The following CCDC148 variants were observed in gnomAD, a reference collection of about 807,000 sequenced individuals.
The protein encoded by CCDC148 is coiled-coil domain-containing protein 148.
CCDC148 carries 89 observed loss-of-function variants against 85.7 expected under a neutral mutation model. The observed-to-expected ratio is 1.04, with a 90% CI of 0.87 to 1.24. The LOEUF (loss-of-function observed/expected upper bound fraction) is 1.24, where lower values mean the gene tolerates loss of function less well. CCDC148 is among the 50% of genes most tolerant of loss of function. The probability of loss-of-function intolerance (pLI) is 0.00; values close to 1 mark genes in which losing one functional copy is unlikely to be tolerated. For missense variants in CCDC148, 692 were observed against 671.7 expected (o/e 1.03, Z -0.33); for synonymous variants, 230 against 213.9 (o/e 1.08, Z -0.66).
chr2:158,350,691 T>C (rs1683218192), intron 2 of CCDC148, among the ~76,000 whole-genome samples: 1 of 152,148 alleles, frequency 6.6e-6, no homozygotes, highest in Non-Finnish European at 1.5e-5. Flanking sequence ...TGCATGCATC[T>C]TTTTCTCTTT....
chr2:158,325,116 T>C (rs1324447620), intron 7 of CCDC148, among the ~76,000 whole-genome samples: 1 of 149,546 alleles, frequency 6.7e-6, no homozygotes, highest in Non-Finnish European at 1.5e-5. Flanking sequence ...AATAACTACA[T>C]AAAAGCCTGG....
At chr2:158,180,462 T>C (rs1684843387) in intron 11 of CCDC148, among the ~76,000 whole-genome samples, 1 of 152,100 alleles carries the variant, frequency 6.6e-6, no homozygotes, top group African/African-American at 2.4e-5. Context: ...TGGGAGGGGC[T>C]GGCTAAACTT....
intron 1 of CCDC148, chr2:158,447,057 T>A (rs1267079740): frequency 6.6e-6 from 1 of 152,276 alleles, no homozygotes; most frequent in African/African-American, 2.4e-5. Flanking sequence ...ATATTGCTAC[T>A]GTTCATGTAA....
chr2:158,209,078 AT>A (rs1686413919), intron 11 of CCDC148, among the ~76,000 whole-genome samples: 1 of 150,270 alleles, frequency 6.7e-6, no homozygotes, highest in Non-Finnish European at 1.5e-5. Context: ...TTATATATAC[AT>A]ACATACATGT....
intron 11 of CCDC148, among the ~76,000 whole-genome samples, chr2:158,196,433 C>T (rs1685672043): frequency 6.6e-6 from 1 of 152,088 alleles, no homozygotes; most frequent in Non-Finnish European, 1.5e-5. Flanking sequence ...TTAACCAACC[C>T]TCTTCTCCTC....
intron 11 of CCDC148, among the ~76,000 whole-genome samples, chr2:158,211,861 A>G (rs1686596123): frequency 6.6e-6 from 1 of 152,168 alleles, no homozygotes; most frequent in Non-Finnish European, 1.5e-5. Context: ...TGCTTTGTCC[A>G]TGAATTTCTT....
At chr2:158,283,847 T>C (rs946008905) in intron 9 of CCDC148, among the ~76,000 whole-genome samples, 8 of 152,066 alleles carry the variant, frequency 5.3e-5, no homozygotes, top group African/African-American at 1.2e-4. Flanking sequence ...TGTGGCACTA[T>C]TGACAATAGC....
intron 7 of CCDC148, among the ~76,000 whole-genome samples, chr2:158,333,300 G>A (rs1693245340): frequency 6.6e-6 from 1 of 152,150 alleles, no homozygotes; most frequent in Admixed American, 6.6e-5. Context: ...TTCAGGAGCA[G>A]GTTGTTCAGT....
intron 1 of CCDC148, among the ~76,000 whole-genome samples, chr2:158,364,280 T>C (rs1156243792): frequency 2.6e-5 from 4 of 152,334 alleles, no homozygotes; most frequent in Non-Finnish European, 5.9e-5. Context: ...AAGCTACCAC[T>C]GACTTTCTTC....
chr2:158,302,882 T>C (rs924487549), intron 9 of CCDC148, among the ~76,000 whole-genome samples: 1 of 151,978 alleles, frequency 6.6e-6, no homozygotes, highest in African/African-American at 2.4e-5. Context: ...GCTAACAGAC[T>C]GGTTCAGGCA....
chr2:158,439,517 C>A (rs1380090777), intron 1 of CCDC148, among the ~76,000 whole-genome samples: 1 of 151,774 alleles, frequency 6.6e-6, no homozygotes, highest in Non-Finnish European at 1.5e-5. Flanking sequence ...AGGAGATATA[C>A]CTAATGTAAA....
intron 1 of CCDC148, among the ~76,000 whole-genome samples, chr2:158,410,859 A>G (rs745584131): frequency 4.6e-5 from 7 of 152,140 alleles, no homozygotes; most frequent in Non-Finnish European, 8.8e-5. Flanking sequence ...GAAATTGAAG[A>G]ACTCCCTTAA....
At chr2:158,404,682 T>C (rs11897173) in intron 1 of CCDC148, among the ~76,000 whole-genome samples, 2,052 of 152,270 alleles carry the variant, frequency 0.013, 33 homozygotes, top group African/African-American at 0.046. Flanking sequence ...AGAAATTAAA[T>C]TAATTTTTAA....
intron 10 of CCDC148, 30 bp from the exon 11 acceptor site, chr2:158,220,743 A>AT: frequency 6.8e-7 from 1 of 1,476,434 alleles, no homozygotes; most frequent in Non-Finnish European, 9.2e-7. Flanking sequence ...TAAAATTTAA[A>AT]TTAACAACAG....
chr2:158,267,273 C>T (rs1166956582), intron 9 of CCDC148, among the ~76,000 whole-genome samples: 2 of 152,070 alleles, frequency 1.3e-5, no homozygotes, highest in Admixed American at 6.6e-5. Context: ...GAATGCCCTG[C>T]CACACCTACA....
chr2:158,264,536 A>G (rs2105155834), intron 9 of CCDC148, among the ~76,000 whole-genome samples: 1 of 152,242 alleles, frequency 6.6e-6, no homozygotes, highest in East Asian at 1.9e-4. Context: ...GCTATCTTCT[A>G]GAAAGAACAG....
intron 8 of CCDC148, among the ~76,000 whole-genome samples, chr2:158,310,111 G>T (rs1364482737): frequency 6.6e-6 from 1 of 152,126 alleles, no homozygotes; most frequent in African/African-American, 2.4e-5. Context: ...TTGAGATTAG[G>T]GAGTGGTGAT....
intron 1 of CCDC148, among the ~76,000 whole-genome samples, chr2:158,397,383 G>A (rs926088989): frequency 3.3e-5 from 5 of 152,092 alleles, no homozygotes; most frequent in Non-Finnish European, 5.9e-5. Flanking sequence ...AGAGAGAAAC[G>A]TCGGGTTACC....
At chr2:158,331,362 G>T (rs558206253) in intron 7 of CCDC148, among the ~76,000 whole-genome samples, 76 of 152,270 alleles carry the variant, frequency 5.0e-4, no homozygotes, top group African/African-American at 1.8e-3. Context: ...TTGCACTGTG[G>T]TCTGAGAGAT....
Sources: gnomAD v4.1 joint callset for allele counts (sites outside exome capture counted in the v4.1 genomes callset) on GRCh38, gnomAD v4.1.1 for gene constraint, MANE v1.5 for transcripts, NCBI Gene and HGNC (gene_info 2026-07-23, HGNC 2026-07-21) for gene names.